VPS13C: variants seen among roughly 807,000 people sequenced by gnomAD.
The protein encoded by VPS13C is intermembrane lipid transfer protein VPS13C.
In VPS13C, 358 loss-of-function variants were observed where a neutral mutation model predicts 456.8. That is an observed-to-expected ratio of 0.78 (90% CI 0.72 to 0.86). The LOEUF (loss-of-function observed/expected upper bound fraction) is 0.86. Ranked by LOEUF, VPS13C falls within the 40% of genes least tolerant of loss-of-function variation. The probability of loss-of-function intolerance (pLI) is 0.00; values close to 1 mark genes in which losing one functional copy is unlikely to be tolerated. For synonymous variants in VPS13C, 1,578 were observed against 1,486.7 expected, an observed-to-expected ratio of 1.06 and a Z score of -1.41; for missense variants, 4,818 against 4,385.4, an observed-to-expected ratio of 1.10 and a Z score of -2.79.
At chr15:62,037,293 TTA>T (rs1218111268) in intron 3 of VPS13C, among the ~76,000 whole-genome samples, 1 of 53,462 alleles carries the variant, frequency 1.9e-5, no homozygotes, top group Non-Finnish European at 3.3e-5. Flanking sequence ...ATATATTATA[TTA>T]TATAATATAT....
intron 48 of VPS13C, among the ~76,000 whole-genome samples, chr15:61,934,727 C>T (rs941906916): frequency 6.6e-6 from 1 of 151,998 alleles, no homozygotes; most frequent in Admixed American, 6.6e-5. Flanking sequence ...GACTAATGCA[C>T]CTCTCACTAA....
In VPS13C at chr15:61,880,931, T is replaced by C; in HGVS notation, c.9800A>G (p.Glu3267Gly). The C allele has an allele frequency of 6.2e-7, 1 of 1,608,940 alleles. No individual in the cohort carries two copies. Among genetic ancestry groups the C allele is most frequent in the Non-Finnish European group, 8.5e-7 (1 of 1,177,760 alleles). Residue 3267 changes from glutamate to glycine, a missense_variant, in exon 72 of 85, where the codon GAA becomes GGA. Glu to Gly is a moderately conservative substitution (Grantham distance 98, BLOSUM62 -2). Transcript: ENST00000644861. ...QFKYFMVLIQEMALKIDQGFL... is the reference protein window; with the variant it reads ...QFKYFMVLIQGMALKIDQGFL... Reference sequence around the variant, plus strand: ...CCCTTGATCAATTTTTAAGGCCATTTCCTGAATGAGGACCATAAAATACCT... The same window carrying C: ...CCCTTGATCAATTTTTAAGGCCATTCCCTGAATGAGGACCATAAAATACCT...
At chr15:62,026,576 A>G (rs931675798) in intron 6 of VPS13C, among the ~76,000 whole-genome samples, 1 of 151,990 alleles carries the variant, frequency 6.6e-6, no homozygotes, top group African/African-American at 2.4e-5. Flanking sequence ...CAAACAACCA[A>G]ATCTGAATAA....
chr15:61,947,155 A>C lies in VPS13C; in HGVS notation c.4876+38T>G, dbSNP rs757240487. The C allele has an allele frequency of 3.0e-6, 4 of 1,347,158 alleles. No homozygotes were observed. The South Asian group carries it at 4.2e-5, about 14-fold the overall frequency. 83.5% of individuals were successfully genotyped at this position (1,347,158 alleles called of 1,614,324 possible). On this transcript the variant is annotated intron_variant, in intron 43 of 84. Coordinates refer to ENST00000644861, the MANE Select transcript of VPS13C (RefSeq NM_020821.3). ...AAGCTCATTTTTCCTAGTTATGTAA[A>C]GAAACAGAAATACCTACAACAAGAA...
intron 52 of VPS13C, among the ~76,000 whole-genome samples, chr15:61,925,911 T>G (rs1321837907): frequency 6.6e-6 from 1 of 152,192 alleles, no homozygotes; most frequent in Non-Finnish European, 1.5e-5. Flanking sequence ...AAGACTGTGG[T>G]AAGGTAGGTA....
intron 74 of VPS13C, 117 bp from the exon 75 acceptor site, chr15:61,877,171 G>C: frequency 1.6e-6 from 1 of 638,952 alleles, no homozygotes; most frequent in Non-Finnish European, 2.6e-6. Context: ...AATTGACTTC[G>C]TACATTTACC....
intron 67 of VPS13C, among the ~76,000 whole-genome samples, chr15:61,886,059 C>T (rs1261089844): frequency 5.9e-5 from 9 of 152,112 alleles, no homozygotes; most frequent in African/African-American, 2.2e-4. Context: ...GGCTAATGGC[C>T]TTAAACGAGT....
chr15:61,871,686 G>C (rs1408643121), intron 79 of VPS13C, among the ~76,000 whole-genome samples: 2 of 152,060 alleles, frequency 1.3e-5, no homozygotes, highest in Admixed American at 6.6e-5. Context: ...AATAAGCAAT[G>C]TGCTTTTTTA....
intron 82 of VPS13C, among the ~76,000 whole-genome samples, chr15:61,860,020 CA>C (rs1383789834): frequency 2.0e-5 from 3 of 151,396 alleles, no homozygotes; most frequent in Non-Finnish European, 4.4e-5. Flanking sequence ...GGGTGAATTT[CA>C]AAACAAAAAA....
chr15:61,925,797 T>C (rs2043827963), intron 52 of VPS13C, among the ~76,000 whole-genome samples: 1 of 152,228 alleles, frequency 6.6e-6, no homozygotes, highest in Non-Finnish European at 1.5e-5. Context: ...AATCCTTAAG[T>C]AATAAAGCAG....
At chr15:61,977,305 A>G (rs1193260742) in intron 23 of VPS13C, 106 bp from the exon 24 acceptor site, 1 of 701,204 alleles carries the variant, frequency 1.4e-6, no homozygotes, top group Non-Finnish European at 2.2e-6. Context: ...CAGACATTCT[A>G]TGGAAAATCA....
chr15:62,010,506 A>C lies in VPS13C; in HGVS notation c.977T>G (p.Ile326Arg). ...GGTCAGTTCAATGGCAATATTTTGT[A>C]TTTCTATGTTGCAATCCAGTTTGGG... ...KTPKLDCNIE[I>R]QNIAIELTKP... Residue 326 changes from isoleucine (I) to arginine (R), a missense_variant, in exon 13 of 85, where the codon ATA becomes AGA. Physicochemically the swap from Ile to Arg is moderately conservative, Grantham distance 97. Transcript: ENST00000644861. The C allele has an allele frequency of 6.2e-7, 1 of 1,613,166 alleles. No homozygotes were observed. Among genetic ancestry groups the C allele is most frequent in the Non-Finnish European group, 8.5e-7 (1 of 1,179,654 alleles).
intron 9 of VPS13C, 57 bp from the exon 10 acceptor site, chr15:62,014,049 C>A: frequency 7.9e-7 from 1 of 1,269,832 alleles, no homozygotes; most frequent in South Asian, 1.3e-5. Context: ...TAATAGCGCT[C>A]TAATACTTAC....
chr15:61,874,767 A>T (rs955133217), intron 77 of VPS13C, 109 bp downstream of exon 77: 3 of 982,132 alleles, frequency 3.1e-6, no homozygotes, highest in Non-Finnish European at 4.3e-6. Context: ...GGGATTATTA[A>T]GAAAGTGATC....
At position 61,963,825 on chromosome 15, in the gene VPS13C, G is replaced by C. The variant is rs1405031371; in HGVS notation, c.3331+10C>G. The C allele has an allele frequency of 6.3e-7, 1 of 1,587,584 alleles. No individual in the cohort carries two copies. On this transcript the variant is annotated intron_variant, in intron 32 of 84. Transcript: ENST00000644861. The stretch of plus-strand genomic sequence containing the variant: ...TTTTCGCCAATTTTCAATGCCGTGT[G>C]AACTTTTACCTTGAATCTTGATTTC...
In VPS13C at chr15:61,880,854, C is replaced by T; in HGVS notation, c.9877G>A (p.Glu3293Lys). Residue 3293 changes from glutamate to lysine, a missense_variant, in exon 72 of 85, where the codon GAA becomes AAA. By Grantham distance (56) the Glu-to-Lys change is moderately conservative. Transcript: ENST00000644861. ...ATAAAAATTTTTACCCGTCTTCTTT[C>T]AGCTTCAGGGTCTGTTGTTGGGGTA... ...LFTPTTDPEA[E>K]RRRTKLIQQD... 2 of 1,586,874 alleles carry T rather than the reference C, an allele frequency of 1.3e-6. No individual in the cohort carries two copies. The highest frequency in any genetic ancestry group is 1.7e-6 in the Non-Finnish European group (2 of 1,172,576).
intron 1 of VPS13C, among the ~76,000 whole-genome samples, chr15:62,045,479 T>G (rs2048368329): frequency 6.6e-6 from 1 of 152,026 alleles, no homozygotes; most frequent in Non-Finnish European, 1.5e-5. Context: ...AATAGATAAG[T>G]GTGAGTAAGG....
Position 61,909,141 on chromosome 15 carries a change from A to G in VPS13C, c.8845-16T>C. The G allele has an allele frequency of 6.2e-7, 1 of 1,612,638 alleles. No individual in the cohort carries two copies. Among genetic ancestry groups the G allele is most frequent in the Non-Finnish European group, 8.5e-7 (1 of 1,179,602 alleles). ...TACCCCCATTCTATTGTAGAAAAAAAAAAAGTATGTTTGATGTACTGGTTT... is the reference window on the plus strand; with the variant it reads ...TACCCCCATTCTATTGTAGAAAAAAGAAAAGTATGTTTGATGTACTGGTTT... On this transcript the variant is annotated splice_polypyrimidine_tract_variant and intron_variant, in intron 64 of 84. Coordinates refer to ENST00000644861, the MANE Select transcript of VPS13C (RefSeq NM_020821.3).
Position 61,969,310 on chromosome 15 carries a change from T to C in VPS13C, c.2900A>G (p.His967Arg). ...SYLKKISLDY[H>R]EIEGSKRKPL... ...TTTATGGGTATTACCTTCAATTTCA[T>C]GATAATCCAAGCTGATTTTCTTTAA... The change falls in exon 28 of 85, where the codon CAT becomes CGT. Residue 967 changes from histidine (H) to arginine (R), a missense_variant. Around this residue, in one of 3 missense-constraint regions of VPS13C, gnomAD observed 4,552 missense variants for 4,130.6 expected, o/e 1.10. Coordinates refer to ENST00000644861, the MANE Select transcript of VPS13C (RefSeq NM_020821.3). 6.3e-7 allele frequency: 1 copy of C among 1,595,928 alleles called. No homozygotes were observed. Among genetic ancestry groups the C allele is most frequent in the Non-Finnish European group, 8.5e-7 (1 of 1,172,858 alleles).
Sources: gnomAD v4.1 joint callset for allele counts (sites outside exome capture counted in the v4.1 genomes callset) on GRCh38, gnomAD v4.1.1 for gene constraint, gnomAD v4.1.1 regional missense constraint, MANE v1.5 for transcripts, NCBI Gene and HGNC (gene_info 2026-07-23, HGNC 2026-07-21) for gene names.